ZNF57: variants seen among roughly 807,000 people sequenced by gnomAD.
ZNF57 encodes zinc finger protein 57.
ZNF57 carries 11 observed loss-of-function variants against 13.4 expected under a neutral mutation model. The ratio of observed to expected loss-of-function variants is 0.82; its 90% CI spans 0.52 to 1.36. The LOEUF (loss-of-function observed/expected upper bound fraction) is 1.36. Among genes scored for constraint, ZNF57 ranks in the 40% most tolerant of loss-of-function variants. ZNF57 has a pLI of 0.00. For missense variants in ZNF57, 696 were observed against 667.5 expected (o/e 1.04, Z -0.47); for synonymous variants, 224 against 238.5 (o/e 0.94, Z 0.56).
chr19:2,901,605 C>T (rs1451078011), intron 1 of ZNF57, among the ~76,000 whole-genome samples: 1 of 151,992 alleles, frequency 6.6e-6, no homozygotes, highest in Non-Finnish European at 1.5e-5. Flanking sequence ...ACTGCAACTT[C>T]CGCCTCCCGG....
Position 2,914,105 on chromosome 19 carries a change from G to T in ZNF57, c.4-1417G>T, listed in dbSNP as rs2088166683. 2.0e-5 allele frequency among the ~76,000 whole-genome samples: 3 copies of T among 152,026 alleles called. No individual in the cohort carries two copies. The South Asian group carries it at 6.2e-4, about 32-fold the overall frequency. ...CTGCTATGTCTAAATGACTTATAGTGTTCAATTATTTTATTTCCTCGTATT... is the reference window on the plus strand; with the variant it reads ...CTGCTATGTCTAAATGACTTATAGTTTTCAATTATTTTATTTCCTCGTATT... On this transcript the variant is annotated intron_variant, in intron 1 of 3. Coordinates refer to ENST00000306908, the MANE Select transcript of ZNF57 (RefSeq NM_173480.3).
chr19:2,909,456 A>G lies in ZNF57; in HGVS notation c.4-6066A>G, dbSNP rs1159624154. 3.9e-5 allele frequency among the ~76,000 whole-genome samples: 2 copies of G among 51,360 alleles called. 1 individual carries two copies. Among genetic ancestry groups the G allele is most frequent in the East Asian group, 6.9e-4 (2 of 2,890 alleles). 33.7% of individuals were successfully genotyped at this position (51,360 alleles called of 152,430 possible). Reference sequence around the variant, plus strand: ...ACACCACGCCCGGCTAATTTTTTGTATTTTTAGTAGAGACGGGGTTTCACC... The same window carrying G: ...ACACCACGCCCGGCTAATTTTTTGTGTTTTTAGTAGAGACGGGGTTTCACC... On this transcript the variant is annotated intron_variant, in intron 1 of 3. Coordinates refer to ENST00000306908, the MANE Select transcript of ZNF57 (RefSeq NM_173480.3).
At chr19:2,902,117 C>CG (rs546157225) in intron 1 of ZNF57, among the ~76,000 whole-genome samples, 23 of 125,222 alleles carry the variant, frequency 1.8e-4, no homozygotes, top group African/African-American at 7.0e-4. Flanking sequence ...ATCACAAGGG[C>CG]GGGGGGCTTG....
intron 1 of ZNF57, among the ~76,000 whole-genome samples, chr19:2,903,307 G>C (rs1029017922): frequency 6.6e-6 from 1 of 152,110 alleles, no homozygotes; most frequent in African/African-American, 2.4e-5. Flanking sequence ...CGCCTCCCGG[G>C]TTCAAGCAAT....
chr19:2,913,704 G>C (rs910013933), intron 1 of ZNF57, among the ~76,000 whole-genome samples: 5 of 151,440 alleles, frequency 3.3e-5, no homozygotes, highest in Admixed American at 3.3e-4. Context: ...CACTCTGTCA[G>C]TGATGTGATC....
intron 1 of ZNF57, among the ~76,000 whole-genome samples, chr19:2,913,903 A>C (rs774396416): frequency 6.6e-6 from 1 of 152,160 alleles, no homozygotes; most frequent in Non-Finnish European, 1.5e-5. Context: ...GATCTCCCAA[A>C]ATCCTGGGAT....
intron 1 of ZNF57, among the ~76,000 whole-genome samples, chr19:2,903,531 A>G (rs2088046800): frequency 6.6e-6 from 1 of 150,774 alleles, no homozygotes; most frequent in Non-Finnish European, 1.5e-5. Flanking sequence ...TTTTAATATA[A>G]ACACCAGTGG....
chr19:2,902,753 C>A (rs1447848779), intron 1 of ZNF57, among the ~76,000 whole-genome samples: 1 of 152,122 alleles, frequency 6.6e-6, no homozygotes, highest in Non-Finnish European at 1.5e-5. Context: ...AGGAGTATTG[C>A]TTCACTGATC....
chr19:2,916,855 C>T (rs1052173982), intron 3 of ZNF57, 69 bp from the exon 4 acceptor site: 1 of 1,308,180 alleles, frequency 7.6e-7, no homozygotes, highest in Non-Finnish European at 1.0e-6. Context: ...ATTTCTAATA[C>T]TTGTTAATAC....
At chr19:2,903,436 T>G (rs1053595650) in intron 1 of ZNF57, among the ~76,000 whole-genome samples, 4 of 152,110 alleles carry the variant, frequency 2.6e-5, no homozygotes, top group Admixed American at 6.6e-5. Context: ...GGTCTCAAAC[T>G]CCTGACCTTA....
intron 2 of ZNF57, 164 bp downstream of exon 2, chr19:2,915,812 G>T: frequency 6.7e-6 from 8 of 1,186,890 alleles, no homozygotes; most frequent in South Asian, 2.6e-5. Flanking sequence ...AAACATGTGT[G>T]AAACAGATGT....
chr19:2,900,988 T>C lies in ZNF57; in HGVS notation c.-58T>C, dbSNP rs1265267016. The C allele has an allele frequency of 2.6e-6, 4 of 1,549,572 alleles. No homozygotes were observed. In the African/African-American group the frequency reaches 4.1e-5, roughly 16 times the overall value. On this transcript the variant is annotated 5_prime_UTR_variant, in exon 1 of 4. Coordinates refer to ENST00000306908, the MANE Select transcript of ZNF57 (RefSeq NM_173480.3). ...CCCGGGAGTACCTGTACCTTTCAGCTGCGCCGGCCGCGAGGCCACGGAGAG... is the reference window on the plus strand; with the variant it reads ...CCCGGGAGTACCTGTACCTTTCAGCCGCGCCGGCCGCGAGGCCACGGAGAG...
rs1015946291 is a variant in ZNF57, at chr19:2,903,345, G to A, written c.3+2297G>A. Among the ~76,000 whole-genome samples the A allele has an allele frequency of 2.6e-4, 39 of 152,086 alleles. 1 individual carries two copies. Among genetic ancestry groups the A allele is most frequent in the African/African-American group, 7.2e-5 (3 of 41,408 alleles). ...TCCTGCCTCAGCCTCCCGAGTAGCTGGGATTACAGGCACTTGCCACCACGA... is the reference window on the plus strand; with the variant it reads ...TCCTGCCTCAGCCTCCCGAGTAGCTAGGATTACAGGCACTTGCCACCACGA... On this transcript the variant is annotated intron_variant, in intron 1 of 3. Coordinates refer to ENST00000306908, the MANE Select transcript of ZNF57 (RefSeq NM_173480.3).
chr19:2,918,202 A>G lies in ZNF57; in HGVS notation c.1581A>G (p.Thr527=), dbSNP rs1449736544. 2 of 1,614,258 alleles carry G rather than the reference A, an allele frequency of 1.2e-6. No homozygotes were observed. Among genetic ancestry groups the G allele is most frequent in the Admixed American group, 1.7e-5 (1 of 60,032 alleles). Residue 527 remains threonine, a synonymous_variant, in exon 4 of 4, where the codon ACA becomes ACG. Transcript: ENST00000306908. ...SSFRNHLRMH[T]GQKSHECQSY... is the part of the protein sequence containing the mutation. ...TCCGGAACCATCTGAGGATGCACACAGGACAGAAATCCCACGAATGTCAGT... is the reference window on the plus strand; with the variant it reads ...TCCGGAACCATCTGAGGATGCACACGGGACAGAAATCCCACGAATGTCAGT...
At chr19:2,901,153 C>T (rs965845735) in intron 1 of ZNF57, 105 bp downstream of exon 1, 5 of 1,383,196 alleles carry the variant, frequency 3.6e-6, no homozygotes, top group Middle Eastern at 2.1e-4. Flanking sequence ...GAGGGACGCG[C>T]GGGGCGGCGC....
Position 2,918,254 on chromosome 19 carries a change from G to A in ZNF57, c.1633G>A (p.Val545Ile). The change falls in exon 4 of 4, where the codon GTC becomes ATC. Residue 545 changes from valine to isoleucine, a missense_variant. Transcript: ENST00000306908. ...ATACTCAAAAGCCTTCAGTTGCCAA[G>A]TCATTCTTTCTAAAACCAGTGAGAG... ...QSYSKAFSCQ[V>I]ILSKTSESTH 6.2e-7 allele frequency: 1 copy of A among 1,611,296 alleles called. No homozygotes were observed. Among genetic ancestry groups the A allele is most frequent in the Non-Finnish European group, 8.5e-7 (1 of 1,178,292 alleles).
At chr19:2,913,679 G>A (rs2088161249) in intron 1 of ZNF57, among the ~76,000 whole-genome samples, 1 of 137,404 alleles carries the variant, frequency 7.3e-6, no homozygotes, top group African/African-American at 2.5e-5. Context: ...TTTTTGGTGG[G>A]GGGAGACTAA....
chr19:2,916,192 A>T lies in ZNF57; in HGVS notation c.245A>T (p.Tyr82Phe). 1 of 1,613,832 alleles carries T rather than the reference A, an allele frequency of 6.2e-7. No individual in the cohort carries two copies. The highest frequency in any genetic ancestry group is 8.5e-7 in the Non-Finnish European group (1 of 1,179,938). ...PNFTGNNSCA[Y>F]TLEKNCEGYG... is the part of the protein sequence containing the mutation. ...TTCACAGGAAATAATTCCTGTGCCTACACTTTAGAAAAAAATTGTGAAGGC... is the reference window on the plus strand; with the variant it reads ...TTCACAGGAAATAATTCCTGTGCCTTCACTTTAGAAAAAAATTGTGAAGGC... The change falls in exon 3 of 4, where the codon TAC becomes TTC. Residue 82 changes from tyrosine (Y) to phenylalanine (F), a missense_variant. Tyr to Phe is a conservative substitution (Grantham distance 22, BLOSUM62 3). This residue lies in a region of ZNF57 where 645 missense variants were observed against 591.5 expected (regional missense o/e 1.09). Coordinates refer to ENST00000306908, the MANE Select transcript of ZNF57 (RefSeq NM_173480.3).
intron 1 of ZNF57, among the ~76,000 whole-genome samples, chr19:2,913,857 T>G (rs1259693926): frequency 1.3e-5 from 2 of 152,160 alleles, no homozygotes; most frequent in African/African-American, 2.4e-5. Context: ...CCCAGGCTGG[T>G]CTCGAACACC....
Sources: allele counts gnomAD v4.1 joint callset (sites outside exome capture counted in the v4.1 genomes callset), GRCh38; gene constraint gnomAD v4.1.1; regional missense constraint gnomAD v4.1.1; transcripts MANE v1.5; gene names NCBI Gene and HGNC (gene_info 2026-07-23, HGNC 2026-07-21).